The following TFAM variants were observed in gnomAD, a reference collection of about 807,000 sequenced individuals.
The protein encoded by TFAM is transcription factor A, mitochondrial.
A neutral mutation model predicts 30.6 loss-of-function variants in TFAM; 13 were observed. The observed-to-expected ratio is 0.42, with a 90% CI of 0.28 to 0.67. The LOEUF is 0.67. TFAM is among the 30% of genes least tolerant of loss of function. The pLI, the probability that TFAM is intolerant of heterozygous loss-of-function variation, is 0.21. For missense variants in TFAM, 231 were observed against 293.7 expected (o/e 0.79, Z 1.56); for synonymous variants, 106 against 94.8 (o/e 1.12, Z -0.69).
In TFAM at chr10:58,394,943, G is replaced by A; in HGVS notation, c.610G>A (p.Ala204Thr). The A allele has an allele frequency of 6.2e-7, 1 of 1,613,360 alleles. No homozygotes were observed. Among genetic ancestry groups the A allele is most frequent in the Non-Finnish European group, 8.5e-7 (1 of 1,179,516 alleles). The stretch of plus-strand genomic sequence containing the variant: ...TTTTTCTCAGTTATATATTCAGCAT[G>A]CTAAAGAGGACGAAACTCGTTATCA... The part of the protein sequence containing the change: ...DSEKELYIQH[A>T]KEDETRYHNE... The change falls in exon 7 of 7, where the codon GCT becomes ACT. Residue 204 changes from alanine to threonine, a missense_variant. Transcript: ENST00000487519.
Position 58,399,089 on chromosome 10 carries a change from C to T in TFAM, c.*4015C>T, listed in dbSNP as rs951099899. The T allele has an allele frequency of 2.0e-5, 3 of 152,052 alleles. No individual in the cohort carries two copies. The highest frequency in any genetic ancestry group is 2.9e-5 in the Non-Finnish European group (2 of 68,008). The allele number at this position is 152,052 out of a possible 1,614,324, so 9.4% of individuals were successfully genotyped here. On this transcript the variant is annotated 3_prime_UTR_variant, in exon 7 of 7. Transcript: ENST00000487519. ...AATTGATTAAATCACTTACTATATT[C>T]GATATGAAATATATAAAACATACAA...
At position 58,396,757 on chromosome 10, in the gene TFAM, CTT is replaced by C. The variant is rs1840689928; in HGVS notation, c.*1685_*1686del. 6.6e-6 allele frequency: 1 copy of C among 152,180 alleles called. No homozygotes were observed. Among genetic ancestry groups the C allele is most frequent in the Non-Finnish European group, 1.5e-5 (1 of 68,038 alleles). The allele number at this position is 152,180 out of a possible 1,614,324, so 9.4% of individuals were successfully genotyped here. ...TGTAGATTCTAGATCTCCAGAAAGA[CTT>C]TGAAGACTTTGATGTCACAAAAAGA... On this transcript the variant is annotated 3_prime_UTR_variant, in exon 7 of 7. Coordinates refer to ENST00000487519, the MANE Select transcript of TFAM (RefSeq NM_003201.3).
At chr10:58,387,021 C>A (rs532252656) in intron 2 of TFAM, among the ~76,000 whole-genome samples, 1 of 151,986 alleles carries the variant, frequency 6.6e-6, no homozygotes, top group Non-Finnish European at 1.5e-5. Flanking sequence ...CCCAGCACTT[C>A]GGGAGGTCGA....
intron 6 of TFAM, 47 bp from the exon 7 acceptor site, chr10:58,394,881 A>T (rs1441621155): frequency 2.6e-6 from 4 of 1,552,700 alleles, no homozygotes; most frequent in Non-Finnish European, 1.8e-6. Context: ...TAATCATTTT[A>T]TCTCAAAAAA....
rs1201851214 is a variant in TFAM, at chr10:58,394,915, T to C, written c.595-13T>C. The C allele has an allele frequency of 4.3e-6, 7 of 1,609,336 alleles. No individual in the cohort carries two copies. Among genetic ancestry groups the C allele is most frequent in the South Asian group, 3.3e-5 (3 of 90,458 alleles). On this transcript the variant is annotated splice_polypyrimidine_tract_variant and intron_variant, in intron 6 of 6. Coordinates refer to ENST00000487519, the MANE Select transcript of TFAM (RefSeq NM_003201.3). ...AATAAGTAAATCATTTTAACAGTTA[T>C]GCTTTTTCTCAGTTATATATTCAGC...
chr10:58,386,513 A>G, intron 2 of TFAM, 175 bp downstream of exon 2: 1 of 729,770 alleles, frequency 1.4e-6, no homozygotes, highest in Non-Finnish European at 2.2e-6. Context: ...TTAAATATAA[A>G]TGAGAACTAG....
rs45447300 is a variant in TFAM at position 58,388,047 on chromosome 10, C to T, written c.221-143C>T. On this transcript the variant is annotated intron_variant, in intron 2 of 6. Transcript: ENST00000487519. ...TTGATAATGTTGGATAAATTACTTA[C>T]GTTTAAATTAGTTGGATAAAGGAAA... The T allele has an allele frequency of 8.3e-3, 5,560 of 669,814 alleles. 214 individuals are homozygous for T. The East Asian group carries it at 0.085, about 10-fold the overall frequency. 41.5% of individuals were successfully genotyped at this position (669,814 alleles called of 1,614,324 possible).
Position 58,395,736 on chromosome 10 carries a change from A to C in TFAM, c.*662A>C, listed in dbSNP as rs1317166349. The C allele has an allele frequency of 3.3e-6, 1 of 300,230 alleles. No homozygotes were observed. Among genetic ancestry groups the C allele is most frequent in the East Asian group, 4.7e-5 (1 of 21,230 alleles). 18.6% of individuals were successfully genotyped at this position (300,230 alleles called of 1,614,324 possible). ...GCATAGAATAAAATTTTTAATCTTT[A>C]ATTTTACATTTCCTAAATATATTTT... is the stretch of plus-strand genomic sequence containing the variant. On this transcript the variant is annotated 3_prime_UTR_variant, in exon 7 of 7. Coordinates refer to ENST00000487519, the MANE Select transcript of TFAM (RefSeq NM_003201.3).
intron 6 of TFAM, 133 bp from the exon 7 acceptor site, chr10:58,394,795 C>CT: frequency 1.2e-6 from 1 of 859,170 alleles, no homozygotes; most frequent in Admixed American, 2.6e-5. Context: ...TCCAGTCTGC[C>CT]TTTATACATG....
At chr10:58,390,620 A>G in intron 4 of TFAM, 145 bp from the exon 5 acceptor site, 1 of 663,798 alleles carries the variant, frequency 1.5e-6, no homozygotes, top group Non-Finnish European at 2.6e-6. Flanking sequence ...TGACCGCAAG[A>G]TGTAATAATC....
Position 58,396,125 on chromosome 10 carries a change from T to G in TFAM, c.*1051T>G, listed in dbSNP as rs1328312941. The G allele has an allele frequency of 1.3e-5, 2 of 152,262 alleles. No homozygotes were observed. The highest frequency in any genetic ancestry group is 4.8e-5 in the African/African-American group (2 of 41,468). The allele number at this position is 152,262 out of a possible 1,614,324, so 9.4% of individuals were successfully genotyped here. A position where few individuals can be genotyped will look rare whatever the true frequency, so the allele number is the denominator to read the frequency against. Reference sequence around the variant, plus strand: ...AATATTTAGTGTTCATAAATAAAGTTTGTTGAAACACAACCAAGATCATTC... The same window carrying G: ...AATATTTAGTGTTCATAAATAAAGTGTGTTGAAACACAACCAAGATCATTC... On this transcript the variant is annotated 3_prime_UTR_variant, in exon 7 of 7. Coordinates refer to ENST00000487519, the MANE Select transcript of TFAM (RefSeq NM_003201.3).
At chr10:58,391,924 GTTT>G (rs66572009) in intron 5 of TFAM, among the ~76,000 whole-genome samples, 1 of 133,508 alleles carries the variant, frequency 7.5e-6, no homozygotes, top group Non-Finnish European at 1.6e-5. Context: ...GTTCACTTAG[GTTT>G]TTTTTTTTTT....
In TFAM at chr10:58,386,443, G is replaced by A. The variant is rs1249581182; in HGVS notation, c.220+105G>A. 5.5e-5 allele frequency: 49 copies of A among 883,548 alleles called. 1 individual carries two copies. The South Asian group carries it at 6.2e-4, about 11-fold the overall frequency. 54.7% of individuals were successfully genotyped at this position (883,548 alleles called of 1,614,324 possible). ...AGTGCTAAAGCATTCAGTGACTGCAGGAACAATCATTTGATGTCTGTAAAA... is the reference window on the plus strand; with the variant it reads ...AGTGCTAAAGCATTCAGTGACTGCAAGAACAATCATTTGATGTCTGTAAAA... On this transcript the variant is annotated intron_variant, in intron 2 of 6. Transcript: ENST00000487519.
At chr10:58,388,901 T>A in intron 4 of TFAM, 82 bp downstream of exon 4, 1 of 1,234,116 alleles carries the variant, frequency 8.1e-7, no homozygotes, top group Non-Finnish European at 1.2e-6. Flanking sequence ...TTTCTCTTAA[T>A]AGGCAAATAA....
rs1433644586 is a variant in TFAM, at chr10:58,393,133, C to G, written c.538-1225C>G. On this transcript the variant is annotated intron_variant, in intron 5 of 6. Transcript: ENST00000487519. ...TAGCTGGGACCACAGGCACGTGCCA[C>G]CACACCTGGCTAATTTTTTATATTT... 2.6e-5 allele frequency among the ~76,000 whole-genome samples: 4 copies of G among 152,256 alleles called. No individual in the cohort carries two copies. The East Asian group carries it at 7.7e-4, about 29-fold the overall frequency.
At position 58,388,212 on chromosome 10, in the gene TFAM, T is replaced by G; in HGVS notation, c.243T>G (p.Ile81Met). The stretch of plus-strand genomic sequence containing the variant: ...TAGATGCAAAAACTACAGAACTAAT[T>G]AGAAGAATTGCCCAGCGTTGGAGGG... The part of the protein sequence containing the change: ...QNPDAKTTEL[I>M]RRIAQRWREL... Residue 81 changes from isoleucine (I) to methionine (M), a missense_variant, in exon 3 of 7, where the codon ATT (isoleucine) becomes ATG (methionine). Coordinates refer to ENST00000487519, the MANE Select transcript of TFAM (RefSeq NM_003201.3). The G allele has an allele frequency of 6.2e-7, 1 of 1,614,022 alleles. No individual in the cohort carries two copies. Among genetic ancestry groups the G allele is most frequent in the Non-Finnish European group, 8.5e-7 (1 of 1,179,952 alleles).
At chr10:58,386,155 A>C in intron 1 of TFAM, 65 bp from the exon 2 acceptor site, 1 of 1,028,042 alleles carries the variant, frequency 9.7e-7, no homozygotes, top group South Asian at 1.3e-5. Context: ...ATCTGTGTTC[A>C]TATACATGTG....
intron 3 of TFAM, 79 bp from the exon 4 acceptor site, chr10:58,388,591 C>T: frequency 6.8e-7 from 1 of 1,463,152 alleles, no homozygotes; most frequent in Non-Finnish European, 9.6e-7. Flanking sequence ...TGAAGTCATG[C>T]AGTTGCCTTT....
At position 58,394,330 on chromosome 10, in the gene TFAM, C is replaced by T. The variant is rs767806040; in HGVS notation, c.538-28C>T. On this transcript the variant is annotated intron_variant, in intron 5 of 6. Transcript: ENST00000487519. ...AGGTCACTGAAGTCCCCATATCTAC[C>T]TTAACTTAAACATATATTGTTTTAC... 4 of 1,575,416 alleles carry T rather than the reference C, an allele frequency of 2.5e-6. No individual in the cohort carries two copies. The African/African-American group carries it at 5.4e-5, about 21-fold the overall frequency.
Sources: allele counts gnomAD v4.1 joint callset (sites outside exome capture counted in the v4.1 genomes callset), GRCh38; gene constraint gnomAD v4.1.1; transcripts MANE v1.5; gene names NCBI Gene and HGNC (gene_info 2026-07-23, HGNC 2026-07-21).